Variants in FRMPD4 observed in about 807,000 individuals in gnomAD.
FRMPD4 encodes FERM and PDZ domain-containing protein 4.
A neutral mutation model predicts 94.1 loss-of-function variants in FRMPD4; 22 were observed. That is an observed-to-expected ratio of 0.23 (90% CI 0.17 to 0.33). The LOEUF (loss-of-function observed/expected upper bound fraction) is 0.33. FRMPD4 is among the 10% of genes least tolerant of loss of function. The pLI is 1.00. For missense variants in FRMPD4, 1,111 were observed against 1,339.9 expected, an observed-to-expected ratio of 0.83 and a Z score of 2.67; for synonymous variants, 631 against 548.6, an observed-to-expected ratio of 1.15 and a Z score of -2.10.
chrX:12,318,905 A>C (rs1284406097), intron 1 of FRMPD4, among the ~76,000 whole-genome samples: 1 of 111,515 alleles, frequency 9.0e-6, no homozygotes, highest in African/African-American at 3.3e-5. Flanking sequence ...AATTAAAAAA[A>C]AAACATAGGG....
chrX:12,513,859 T>A (rs1420640524), intron 2 of FRMPD4, among the ~76,000 whole-genome samples: 3 of 112,102 alleles, frequency 2.7e-5, no homozygotes, highest in Non-Finnish European at 5.6e-5. Flanking sequence ...GCATGGAATG[T>A]TTCTCCATTT....
At chrX:12,230,879 AATATATACTAT>A (rs1323354863) in intron 1 of FRMPD4, among the ~76,000 whole-genome samples, 2 of 89,322 alleles carry the variant, frequency 2.2e-5, no homozygotes, top group East Asian at 6.5e-4. Flanking sequence ...TATATATAAT[AATATATACTAT>A]ATATATACTA....
intron 1 of FRMPD4, among the ~76,000 whole-genome samples, chrX:12,245,310 G>A (rs1316683740): frequency 9.0e-6 from 1 of 111,210 alleles, no homozygotes; most frequent in Non-Finnish European, 1.9e-5. Context: ...AGTGGGTTGG[G>A]ATTTTTTTCT....
chrX:11,883,018 CTCTT>C (rs1371517889), intron 3 of FRMPD4, among the ~76,000 whole-genome samples: 1 of 111,722 alleles, frequency 9.0e-6, no homozygotes, highest in East Asian at 2.8e-4. Context: ...CATTCAAACA[CTCTT>C]TATTGAGCGC....
chrX:12,331,689 A>ATAATATATAAATATATAAATTATATATT (rs2055384253), intron 1 of FRMPD4, among the ~76,000 whole-genome samples: 1 of 70,634 alleles, frequency 1.4e-5, no homozygotes, highest in Non-Finnish European at 2.4e-5. Flanking sequence ...ATATATTTAT[A>ATAATATATAAATATATAAATTATATATT]TAATATATAA....
At chrX:12,544,069 C>G (rs2058447609) in intron 2 of FRMPD4, among the ~76,000 whole-genome samples, 2 of 94,809 alleles carry the variant, frequency 2.1e-5, no homozygotes, top group East Asian at 6.7e-4. Context: ...GGGAACATCA[C>G]ACACCGGGGC....
intron 6 of FRMPD4, 105 bp downstream of exon 6, chrX:12,683,692 T>C: frequency 2.2e-6 from 1 of 455,843 alleles, no homozygotes; most frequent in Admixed American, 3.9e-5. Flanking sequence ...TGATCTGAAA[T>C]TGGTTGTTGG....
chrX:12,547,682 C>G (rs1240800973), intron 2 of FRMPD4, among the ~76,000 whole-genome samples: 1 of 112,038 alleles, frequency 8.9e-6, no homozygotes, highest in African/African-American at 3.2e-5. Flanking sequence ...ACAAAAAATA[C>G]TTTAATTATT....
At chrX:11,951,993 G>A (rs746199950) in intron 3 of FRMPD4, among the ~76,000 whole-genome samples, 11 of 112,170 alleles carry the variant, frequency 9.8e-5, no homozygotes, top group African/African-American at 1.6e-4. Flanking sequence ...TCATAATGGC[G>A]CCACTGTACT....
At chrX:12,030,645 T>A (rs1446171122) in intron 3 of FRMPD4, among the ~76,000 whole-genome samples, 2 of 111,782 alleles carry the variant, frequency 1.8e-5, no homozygotes, top group Non-Finnish European at 3.8e-5. Flanking sequence ...CTAAGACAAA[T>A]GGACATCAAC....
At chrX:11,851,078 T>G (rs1211164125) in intron 1 of FRMPD4, among the ~76,000 whole-genome samples, 2 of 111,795 alleles carry the variant, frequency 1.8e-5, no homozygotes, top group Non-Finnish European at 3.8e-5. Context: ...AACTACTGCA[T>G]GAACAGAACT....
At chrX:12,689,098 A>G (rs148102474) in intron 7 of FRMPD4, among the ~76,000 whole-genome samples, 4 of 111,623 alleles carry the variant, frequency 3.6e-5, no homozygotes, top group African/African-American at 1.3e-4. Context: ...GAAATTTCCA[A>G]ATGTTGCACT....
chrX:11,917,135 A>T (rs1393672079), intron 3 of FRMPD4, among the ~76,000 whole-genome samples: 1 of 112,613 alleles, frequency 8.9e-6, no homozygotes, highest in African/African-American at 3.2e-5. Context: ...GAACATTTGA[A>T]AAAATGCTCA....
rs1315348962 is a variant in FRMPD4, at chrX:12,498,560, A to AC, written c.42-119dup. ...AGATAATGTGTCGATTTTTGTTGCA[A>AC]CGTTAATTGGGGGTTTGCCCAATCT... On this transcript the variant is annotated intron_variant, in intron 1 of 16. Transcript: ENST00000675598. 14 of 552,309 alleles carry AC rather than the reference A, an allele frequency of 2.5e-5. No individual in the cohort carries two copies. In the Admixed American group the frequency reaches 3.2e-4, roughly 13 times the overall value. The allele number at this position is 552,309 out of a possible 1,213,427, so 45.5% of individuals were successfully genotyped here.
chrX:12,677,067 C>G (rs779508040), intron 5 of FRMPD4, among the ~76,000 whole-genome samples: 1 of 111,675 alleles, frequency 9.0e-6, no homozygotes, highest in Non-Finnish European at 1.9e-5. Flanking sequence ...GTTTTTCAAC[C>G]TTGGTTTTGT....
At chrX:12,687,603 A>C (rs1360312262) in intron 7 of FRMPD4, among the ~76,000 whole-genome samples, 1 of 111,968 alleles carries the variant, frequency 8.9e-6, no homozygotes, top group Admixed American at 9.5e-5. Flanking sequence ...AGAACTCAGC[A>C]ATTTGTTATA....
chrX:12,481,860 G>A (rs774991005), intron 1 of FRMPD4, among the ~76,000 whole-genome samples: 52 of 99,465 alleles, frequency 5.2e-4, no homozygotes, highest in Admixed American at 1.0e-3. Context: ...CAGAATTGGC[G>A]TGAACCCGGG....
intron 2 of FRMPD4, among the ~76,000 whole-genome samples, chrX:12,534,659 G>A (rs1344850138): frequency 8.9e-6 from 1 of 112,639 alleles, no homozygotes; most frequent in Non-Finnish European, 1.9e-5. Flanking sequence ...AGATTTGACT[G>A]CCCCACTGGA....
chrX:12,224,180 A>T (rs1007782541), intron 1 of FRMPD4, among the ~76,000 whole-genome samples: 1 of 111,754 alleles, frequency 8.9e-6, no homozygotes, highest in African/African-American at 3.2e-5. Flanking sequence ...CATTCAAAGG[A>T]CTTTAAGAGC....
Sources: gnomAD v4.1 joint callset for allele counts (sites outside exome capture counted in the v4.1 genomes callset) on GRCh38, gnomAD v4.1.1 for gene constraint, MANE v1.5 for transcripts, NCBI Gene and HGNC (gene_info 2026-07-23, HGNC 2026-07-21) for gene names.